Variants in DRD3 observed in about 807,000 individuals in gnomAD.
DRD3 encodes D(3) dopamine receptor.
In DRD3, 19 loss-of-function variants were observed where a neutral mutation model predicts 36.3. The ratio of observed to expected loss-of-function variants is 0.52; its 90% CI spans 0.36 to 0.77. DRD3 has a LOEUF of 0.77. DRD3 is among the 30% of genes least tolerant of loss of function. The pLI is 0.00. For synonymous variants in DRD3, 195 were observed against 203.7 expected, an observed-to-expected ratio of 0.96 and a Z score of 0.36; for missense variants, 465 against 505.3, an observed-to-expected ratio of 0.92 and a Z score of 0.77.
intron 1 of DRD3, among the ~76,000 whole-genome samples, chr3:114,196,504 A>G (rs1195193012): frequency 6.6e-6 from 1 of 152,122 alleles, no homozygotes; most frequent in Non-Finnish European, 1.5e-5. Context: ...TTTCTTGTGA[A>G]TAAATACTAA....
At chr3:114,158,644 A>G (rs558084005) in intron 3 of DRD3, among the ~76,000 whole-genome samples, 6 of 152,230 alleles carry the variant, frequency 3.9e-5, no homozygotes, top group Non-Finnish European at 8.8e-5. Flanking sequence ...AAGGTAGCCA[A>G]TGTTTATACC....
chr3:114,156,314 A>C (rs1258413577), intron 3 of DRD3, among the ~76,000 whole-genome samples: 2 of 152,190 alleles, frequency 1.3e-5, no homozygotes, highest in African/African-American at 2.4e-5. Context: ...CTATTATGCC[A>C]GATGTTAAAA....
chr3:114,147,012 T>C (rs891374620), intron 4 of DRD3, among the ~76,000 whole-genome samples: 5 of 152,220 alleles, frequency 3.3e-5, no homozygotes, highest in African/African-American at 1.2e-4. Context: ...TATATCCTAC[T>C]ATAAGACTTT....
intron 2 of DRD3, among the ~76,000 whole-genome samples, chr3:114,169,723 T>C (rs1486010): frequency 6.6e-6 from 1 of 152,022 alleles, no homozygotes; most frequent in Non-Finnish European, 1.5e-5. Context: ...TGCTCAGTAG[T>C]AGAATAGGAG....
intron 3 of DRD3, among the ~76,000 whole-genome samples, chr3:114,155,412 C>T (rs1577601304): frequency 6.6e-6 from 1 of 152,186 alleles, no homozygotes; most frequent in East Asian, 1.9e-4. Context: ...CTGGTCCCTT[C>T]AGGTAGGTAA....
At chr3:114,177,953 C>T (rs758129360) in intron 1 of DRD3, among the ~76,000 whole-genome samples, 1 of 152,176 alleles carries the variant, frequency 6.6e-6, no homozygotes, top group Non-Finnish European at 1.5e-5. Flanking sequence ...ATCCAAGTTT[C>T]ACTTTGCTAT....
At chr3:114,145,062 G>A (rs2077558879) in intron 4 of DRD3, among the ~76,000 whole-genome samples, 1 of 152,082 alleles carries the variant, frequency 6.6e-6, no homozygotes, top group African/African-American at 2.4e-5. Flanking sequence ...CCAGTGTGGT[G>A]TGTCTGTGAG....
At chr3:114,186,922 G>T (rs1275403260) in intron 1 of DRD3, among the ~76,000 whole-genome samples, 1 of 152,192 alleles carries the variant, frequency 6.6e-6, no homozygotes, top group Admixed American at 6.5e-5. Flanking sequence ...AGAACTGTGT[G>T]TATAGAAGAT....
chr3:114,197,560 A>G lies in DRD3; in HGVS notation c.-156+1713T>C, dbSNP rs552579044. 6.0e-4 allele frequency among the ~76,000 whole-genome samples: 92 copies of G among 152,138 alleles called. 1 individual carries two copies. The highest frequency in any genetic ancestry group is 3.4e-3 in the Middle Eastern group (1 of 294). Reference sequence around the variant, plus strand: ...CAAGGTCACAAAGATTTTCTTCTAAAAGTTTAGTATTATCAGGTTTTAATC... The same window carrying G: ...CAAGGTCACAAAGATTTTCTTCTAAGAGTTTAGTATTATCAGGTTTTAATC... On this transcript the variant is annotated intron_variant, in intron 1 of 7. Transcript: ENST00000460779.
intron 1 of DRD3, among the ~76,000 whole-genome samples, chr3:114,187,656 C>T (rs998533837): frequency 6.6e-6 from 1 of 152,122 alleles, no homozygotes; most frequent in Non-Finnish European, 1.5e-5. Context: ...ATATTACTAT[C>T]CAAGAAGGGC....
intron 4 of DRD3, among the ~76,000 whole-genome samples, chr3:114,143,561 G>A (rs998160969): frequency 6.6e-6 from 1 of 152,212 alleles, no homozygotes; most frequent in Non-Finnish European, 1.5e-5. Flanking sequence ...TTCATTGATG[G>A]ATTTGACCCC....
intron 4 of DRD3, among the ~76,000 whole-genome samples, chr3:114,140,170 A>T (rs986361518): frequency 6.6e-6 from 1 of 152,216 alleles, no homozygotes; most frequent in African/African-American, 2.4e-5. Context: ...CAATGAAAGG[A>T]AGAAGCCTTA....
At position 114,139,674 on chromosome 3, in the gene DRD3, G is replaced by A; in HGVS notation, c.549C>T (p.Ile183=). 1 of 1,614,158 alleles carries A rather than the reference G, an allele frequency of 6.2e-7. No homozygotes were observed. Among genetic ancestry groups the A allele is most frequent in the East Asian group, 2.2e-5 (1 of 44,888 alleles). ...NTTGDPTVCS[I]SNPDFVIYSS... is the part of the protein sequence containing the mutation. Reference sequence around the variant, plus strand: ...AGTAGATGACAAAATCAGGGTTGGAGATGGAGCAGACAGTGGGGTCCCCTG... The same window carrying A: ...AGTAGATGACAAAATCAGGGTTGGAAATGGAGCAGACAGTGGGGTCCCCTG... The change falls in exon 5 of 7, where the codon ATC becomes ATT. Residue 183 remains isoleucine, a synonymous_variant. Transcript: ENST00000383673.
intron 6 of DRD3, among the ~76,000 whole-genome samples, chr3:114,129,908 A>G (rs914169895): frequency 6.6e-6 from 1 of 152,092 alleles, no homozygotes; most frequent in African/African-American, 2.4e-5. Flanking sequence ...AAATACAAAA[A>G]TTAGCCGGGT....
At chr3:114,157,122 C>G (rs1247665799) in intron 3 of DRD3, among the ~76,000 whole-genome samples, 2 of 151,216 alleles carry the variant, frequency 1.3e-5, no homozygotes, top group East Asian at 3.9e-4. Flanking sequence ...GGTGCAGTCT[C>G]AGCTCACTGC....
At chr3:114,145,941 C>T (rs1317563703) in intron 4 of DRD3, among the ~76,000 whole-genome samples, 1 of 152,258 alleles carries the variant, frequency 6.6e-6, no homozygotes, top group Middle Eastern at 3.4e-3. Flanking sequence ...TTAATTCACT[C>T]AAGTGTATGC....
chr3:114,131,368 C>T lies in DRD3; in HGVS notation c.756G>A (p.Leu252=). The T allele has an allele frequency of 6.2e-7, 1 of 1,614,156 alleles. No individual in the cohort carries two copies. Among genetic ancestry groups the T allele is most frequent in the East Asian group, 2.2e-5 (1 of 44,888 alleles). The change falls in exon 6 of 7, where the codon CTG becomes CTA. Residue 252 remains leucine, a synonymous_variant. Transcript: ENST00000383673. ...CCTGGCAGATGCTGTAGTAACGCTT[C>T]AGCTCCAGATGTGCCGGGTCAGGAG... is the stretch of plus-strand genomic sequence containing the variant. ...TLSPDPAHLE[L]KRYYSICQDT...
chr3:114,174,002 C>T (rs1255515685), intron 1 of DRD3, among the ~76,000 whole-genome samples: 1 of 152,004 alleles, frequency 6.6e-6, no homozygotes, highest in Admixed American at 6.5e-5. Flanking sequence ...TTAAAATGAA[C>T]AAATACTTGG....
chr3:114,174,159 C>A (rs935319291), intron 1 of DRD3, among the ~76,000 whole-genome samples: 4 of 152,114 alleles, frequency 2.6e-5, no homozygotes, highest in Non-Finnish European at 4.4e-5. Flanking sequence ...CAGAGGAGGG[C>A]AGCCGCTACC....
Sources: gnomAD v4.1 joint callset for allele counts (sites outside exome capture counted in the v4.1 genomes callset) on GRCh38, gnomAD v4.1.1 for gene constraint, MANE v1.5 for transcripts, NCBI Gene and HGNC (gene_info 2026-07-23, HGNC 2026-07-21) for gene names.